Variants in G3BP2 observed in about 807,000 individuals in gnomAD.
G3BP2 encodes the protein G3BP stress granule assembly factor 2.
A neutral mutation model predicts 56.7 loss-of-function variants in G3BP2; 11 were observed. The observed-to-expected ratio is 0.19, with a 90% CI of 0.12 to 0.32. The LOEUF is 0.32. Ranked by LOEUF, G3BP2 falls within the 10% of genes least tolerant of loss-of-function variation. The pLI is 1.00. For missense variants in G3BP2, 340 were observed against 610.9 expected (o/e 0.56, Z 4.67); for synonymous variants, 165 against 191.6 (o/e 0.86, Z 1.15).
At chr4:75,664,161 C>A (rs1732801820) in intron 1 of G3BP2, among the ~76,000 whole-genome samples, 1 of 151,680 alleles carries the variant, frequency 6.6e-6, no homozygotes, top group South Asian at 2.1e-4. Flanking sequence ...GGATTACAGG[C>A]GTGAGCCACC....
upstream of G3BP2, chr4:75,673,672 CCCGAGGCTCCAG>C (rs1733710532): frequency 8.3e-7 from 1 of 1,204,142 alleles, no homozygotes; most frequent in African/African-American, 1.6e-5. Flanking sequence ...TTTCTCCGGT[CCCGAGGCTCCAG>C]CCTTGCCGCC....
upstream of G3BP2, chr4:75,673,800 T>A (rs1026116378): frequency 6.1e-6 from 2 of 326,476 alleles, no homozygotes; most frequent in Non-Finnish European, 1.1e-5. Flanking sequence ...AATTTAGTAA[T>A]CTCTCTGAAT....
intron 2 of G3BP2, among the ~76,000 whole-genome samples, chr4:75,660,779 T>A (rs892711634): frequency 6.6e-6 from 1 of 152,208 alleles, no homozygotes; most frequent in East Asian, 1.9e-4. Context: ...CTGGCCAGTG[T>A]GTTCTGCAAT....
chr4:75,675,238 C>T (rs1018413423), upstream of G3BP2, among the ~76,000 whole-genome samples: 1 of 152,180 alleles, frequency 6.6e-6, no homozygotes, highest in African/African-American at 2.4e-5. Flanking sequence ...GACTAACCTT[C>T]AAGTGTTTCC....
chr4:75,653,178 A>G (rs1251333812), intron 8 of G3BP2, among the ~76,000 whole-genome samples: 1 of 152,168 alleles, frequency 6.6e-6, no homozygotes, highest in Non-Finnish European at 1.5e-5. Flanking sequence ...AAAAAACTAA[A>G]AATTACTACT....
In G3BP2 at chr4:75,646,909, T is replaced by C. The variant is rs1731247035; in HGVS notation, c.1057+120A>G. On this transcript the variant is annotated intron_variant, in intron 10 of 11. Coordinates refer to ENST00000359707, the MANE Select transcript of G3BP2 (RefSeq NM_203505.3). ...TTCTGCACAATTAAGGTGGGTCTGG[T>C]AGCTGGACACAGTATAAAGAGAGAA... 4 of 611,580 alleles carry C rather than the reference T, an allele frequency of 6.5e-6. No homozygotes were observed. The East Asian group carries it at 8.7e-5, about 13-fold the overall frequency. 37.9% of individuals were successfully genotyped at this position (611,580 alleles called of 1,614,324 possible).
chr4:75,716,470 C>A (rs759434246), intron 3 of G3BP2, among the ~76,000 whole-genome samples: 2 of 151,714 alleles, frequency 1.3e-5, no homozygotes, highest in African/African-American at 2.4e-5. Flanking sequence ...CCACCACACC[C>A]GGCCCTCTTC....
chr4:75,668,459 A>G (rs1733230894), intron 1 of G3BP2, among the ~76,000 whole-genome samples: 1 of 152,208 alleles, frequency 6.6e-6, no homozygotes, highest in Non-Finnish European at 1.5e-5. Flanking sequence ...TTGATTGCTA[A>G]TTGAATATAG....
At chr4:75,697,273 CAAAAAAAAAAAAAAA>C (rs869037819) in intron 3 of G3BP2, among the ~76,000 whole-genome samples, 1 of 28,832 alleles carries the variant, frequency 3.5e-5, no homozygotes. Flanking sequence ...GACTCTGTCT[CAAAAAAAAAAAAAAA>C]AAAAAAAAAA....
At chr4:75,687,395 G>A (rs1296231472) in intron 3 of G3BP2, among the ~76,000 whole-genome samples, 2 of 152,170 alleles carry the variant, frequency 1.3e-5, no homozygotes, top group African/African-American at 4.8e-5. Context: ...ATGATTGTGA[G>A]ACCTCCTCAG....
At chr4:75,653,455 T>C (rs374600491) in intron 8 of G3BP2, among the ~76,000 whole-genome samples, 6 of 151,854 alleles carry the variant, frequency 4.0e-5, no homozygotes, top group African/African-American at 4.8e-5. Flanking sequence ...AGCAGAATAC[T>C]AGAATGATCA....
At chr4:75,718,322 T>TA (rs1482649587) in intron 3 of G3BP2, among the ~76,000 whole-genome samples, 3 of 151,490 alleles carry the variant, frequency 2.0e-5, no homozygotes, top group Non-Finnish European at 2.9e-5. Flanking sequence ...ATACTTTCTT[T>TA]AAAAAAAGGG....
At chr4:75,656,647 T>C (rs1310344520) in intron 5 of G3BP2, among the ~76,000 whole-genome samples, 1 of 152,176 alleles carries the variant, frequency 6.6e-6, no homozygotes, top group Non-Finnish European at 1.5e-5. Flanking sequence ...TTGCCAAGTA[T>C]AGAATCCAAA....
intron 1 of G3BP2, among the ~76,000 whole-genome samples, chr4:75,723,811 A>G (rs941061377): frequency 1.3e-5 from 2 of 152,152 alleles, no homozygotes; most frequent in Non-Finnish European, 2.9e-5. Context: ...CAAGAAATTT[A>G]CAAGACTATT....
chr4:75,667,492 GA>G lies in G3BP2; in HGVS notation c.-24-5444del, dbSNP rs1409588793. Among the ~76,000 whole-genome samples the G allele has an allele frequency of 2.0e-5, 3 of 152,222 alleles. No individual in the cohort carries two copies. The East Asian group carries it at 5.8e-4, about 29-fold the overall frequency. ...TTCCAATGACACCTGAAAATGTGAA[GA>G]ATCTCACACAGGAATGCACAGTGTA... On this transcript the variant is annotated intron_variant, in intron 1 of 11. Coordinates refer to ENST00000359707, the MANE Select transcript of G3BP2 (RefSeq NM_203505.3).
intron 3 of G3BP2, chr4:75,695,005 G>A (rs748153852): frequency 1.1e-4 from 92 of 872,662 alleles, no homozygotes; most frequent in Non-Finnish European, 1.2e-4. Context: ...CCGGGAGAAT[G>A]GCCCTGTGGC....
At chr4:75,713,721 T>G (rs2175640) in intron 3 of G3BP2, among the ~76,000 whole-genome samples, 52,181 of 151,936 alleles carry the variant, frequency 0.34, 10,455 homozygotes, top group African/African-American at 0.56. Flanking sequence ...CCCAGGAATT[T>G]GAAGTCACAG....
At chr4:75,692,040 T>C (rs2149082501) in intron 3 of G3BP2, among the ~76,000 whole-genome samples, 1 of 152,338 alleles carries the variant, frequency 6.6e-6, no homozygotes, top group South Asian at 2.1e-4. Context: ...CTTTGAGACA[T>C]ACCTAGGGCA....
chr4:75,708,025 G>A (rs1007501875), intron 3 of G3BP2, among the ~76,000 whole-genome samples: 2 of 152,040 alleles, frequency 1.3e-5, no homozygotes, highest in African/African-American at 4.8e-5. Context: ...TATGTGCATC[G>A]ACAAAGTGTT....
Sources: allele counts gnomAD v4.1 joint callset (sites outside exome capture counted in the v4.1 genomes callset), GRCh38; gene constraint gnomAD v4.1.1; transcripts MANE v1.5; gene names NCBI Gene and HGNC (gene_info 2026-07-23, HGNC 2026-07-21).